Variants in IL1RL2 observed in about 807,000 individuals in gnomAD.
IL1RL2 encodes interleukin-1 receptor-like 2.
IL1RL2 carries 68 observed loss-of-function variants against 66.8 expected under a neutral mutation model. The observed-to-expected ratio is 1.02, with a 90% CI of 0.84 to 1.25. The LOEUF is 1.25. IL1RL2 is among the 50% of genes most tolerant of loss of function. IL1RL2 has a pLI of 0.00. For missense variants in IL1RL2, 729 were observed against 709.3 expected (o/e 1.03, Z -0.32); for synonymous variants, 305 against 264.6 (o/e 1.15, Z -1.48).
intron 6 of IL1RL2, among the ~76,000 whole-genome samples, chr2:102,216,584 T>C (rs1314741137): frequency 6.6e-6 from 1 of 152,186 alleles, no homozygotes; most frequent in African/African-American, 2.4e-5. Context: ...AAGATTATTA[T>C]TGATTGGTAA....
At position 102,201,648 on chromosome 2, in the gene IL1RL2, G is replaced by T; in HGVS notation, c.582G>T (p.Ala194=). 1 of 1,614,076 alleles carries T rather than the reference G, an allele frequency of 6.2e-7. No homozygotes were observed. Reference sequence around the variant, plus strand: ...CGGCAGAGGACAGAGGGAACTACGCGTGTCAAGCCATACTGACACACTCAG... The same window carrying T: ...CGGCAGAGGACAGAGGGAACTACGCTTGTCAAGCCATACTGACACACTCAG... The part of the protein sequence containing the change: ...NVSAEDRGNY[A]CQAILTHSGK... Residue 194 remains alanine, a synonymous_variant, in exon 5 of 12, where the codon GCG becomes GCT. Transcript: ENST00000264257.
intron 8 of IL1RL2, among the ~76,000 whole-genome samples, chr2:102,221,844 T>G (rs1006168624): frequency 3.3e-5 from 5 of 152,226 alleles, no homozygotes; most frequent in African/African-American, 1.2e-4. Context: ...TTTATACTTT[T>G]TTATTGTGGA....
intron 6 of IL1RL2, among the ~76,000 whole-genome samples, chr2:102,217,889 A>T (rs1263701750): frequency 6.6e-6 from 1 of 152,336 alleles, no homozygotes. Context: ...TTTGGATAAG[A>T]TCTCAAAAGC....
chr2:102,193,109 G>C (rs913825937), intron 4 of IL1RL2, among the ~76,000 whole-genome samples: 2 of 152,092 alleles, frequency 1.3e-5, no homozygotes, highest in African/African-American at 4.8e-5. Flanking sequence ...TCAGAGACTT[G>C]TCAGTTCTAG....
intron 8 of IL1RL2, among the ~76,000 whole-genome samples, chr2:102,224,585 G>A (rs1036940859): frequency 9.9e-5 from 15 of 152,130 alleles, no homozygotes; most frequent in African/African-American, 3.6e-4. Flanking sequence ...GGTGAAGCGG[G>A]GATAAAGAGA....
chr2:102,188,078 A>AACC (rs3835036), intron 2 of IL1RL2, among the ~76,000 whole-genome samples, 153 bp downstream of exon 2: 51,847 of 151,908 alleles, frequency 0.34, 10,734 homozygotes, highest in East Asian at 0.47. Flanking sequence ...GGAAACAGAG[A>AACC]ACCAGCTCCA....
chr2:102,205,978 C>T (rs967999475), intron 5 of IL1RL2, among the ~76,000 whole-genome samples: 2 of 151,938 alleles, frequency 1.3e-5, no homozygotes, highest in African/African-American at 4.8e-5. Flanking sequence ...GCCTGTCTTC[C>T]AGCCTGCTAA....
At position 102,189,035 on chromosome 2, in the gene IL1RL2, C is replaced by A; in HGVS notation, c.59-41C>A. 4.1e-6 allele frequency: 6 copies of A among 1,478,714 alleles called. No homozygotes were observed. The South Asian group carries it at 7.2e-5, about 18-fold the overall frequency. The allele number at this position is 1,478,714 out of a possible 1,614,324, so 91.6% of individuals were successfully genotyped here. A position where few individuals can be genotyped will look rare whatever the true frequency, so the allele number is the denominator to read the frequency against. ...TAACAGTAAATAAAACTGAAGTTTT[C>A]TTTCATGGATAATTGTTTTGTTTTG... is the stretch of plus-strand genomic sequence containing the variant. On this transcript the variant is annotated intron_variant, in intron 2 of 11. Coordinates refer to ENST00000264257, the MANE Select transcript of IL1RL2 (RefSeq NM_003854.4).
chr2:102,211,474 A>G (rs186790175), intron 5 of IL1RL2, among the ~76,000 whole-genome samples: 1 of 152,350 alleles, frequency 6.6e-6, no homozygotes, highest in African/African-American at 2.4e-5. Context: ...AACTGAAGAT[A>G]TGATGAACCC....
chr2:102,232,954 C>A lies in IL1RL2; in HGVS notation c.1136-9C>A, dbSNP rs779171081. The stretch of plus-strand genomic sequence containing the variant: ...AACAATTCCACAAGCTTGTCCAATT[C>A]CTTTTCAGATGGGAAGCTGTATGAC... On this transcript the variant is annotated splice_polypyrimidine_tract_variant and intron_variant, in intron 9 of 11. Transcript: ENST00000264257. The A allele has an allele frequency of 5.6e-6, 9 of 1,603,114 alleles. No homozygotes were observed. The highest frequency in any genetic ancestry group is 7.7e-6 in the Non-Finnish European group (9 of 1,172,028).
At chr2:102,226,658 GAA>G (rs1690643222) in intron 9 of IL1RL2, among the ~76,000 whole-genome samples, 1 of 151,942 alleles carries the variant, frequency 6.6e-6, no homozygotes, top group African/African-American at 2.4e-5. Flanking sequence ...AGGGAGGAAA[GAA>G]AGAGAGAGAG....
intron 11 of IL1RL2, among the ~76,000 whole-genome samples, chr2:102,237,249 G>T (rs567558573): frequency 6.6e-6 from 1 of 152,298 alleles, no homozygotes; most frequent in South Asian, 2.1e-4. Flanking sequence ...AATGGGGTGG[G>T]TGTATTCCCC....
Position 102,239,220 on chromosome 2 carries a change from G to T in IL1RL2, c.1707G>T (p.Lys569Asn), listed in dbSNP as rs33963495. ...AGPELGSRRKKCTLTTG is the reference protein window; with the variant it reads ...AGPELGSRRKNCTLTTG ...CAGAACTAGGCTCAAGAAGAAAGAA[G>T]TGTACTCTCACGACTGGCTAAGACT... is the stretch of plus-strand genomic sequence containing the variant. Residue 569 changes from lysine (K) to asparagine (N), a missense_variant, in exon 12 of 12, where the codon AAG (lysine) becomes AAT (asparagine). Transcript: ENST00000264257. 5 of 1,613,960 alleles carry T rather than the reference G, an allele frequency of 3.1e-6. No individual in the cohort carries two copies. Among genetic ancestry groups the T allele is most frequent in the Non-Finnish European group, 4.2e-6 (5 of 1,179,962 alleles).
Position 102,218,370 on chromosome 2 carries a change from T to C in IL1RL2, c.725-583T>C, listed in dbSNP as rs34542788. On this transcript the variant is annotated intron_variant, in intron 6 of 11. Transcript: ENST00000264257. ...CTCATGGGACAAAGTCCACTGAGAC[T>C]ATAAATTGATGAAATTTGTGAATGT... Among the ~76,000 whole-genome samples, 905 of 152,308 alleles carry C rather than the reference T, an allele frequency of 5.9e-3. 1 individual carries two copies. The highest frequency in any genetic ancestry group is 9.7e-3 in the Non-Finnish European group (659 of 68,008).
At chr2:102,243,035 T>C (rs1484755052), downstream of IL1RL2, among the ~76,000 whole-genome samples, 2 of 152,264 alleles carry the variant, frequency 1.3e-5, no homozygotes, top group African/African-American at 2.4e-5. Context: ...CAAAACCTAT[T>C]CTAAGGTGTC....
At chr2:102,207,588 G>C (rs62156406) in intron 5 of IL1RL2, among the ~76,000 whole-genome samples, 2 of 152,040 alleles carry the variant, frequency 1.3e-5, no homozygotes, top group East Asian at 3.9e-4. Context: ...CTCTCTTGCT[G>C]TGGCTGAGCT....
intron 8 of IL1RL2, among the ~76,000 whole-genome samples, chr2:102,223,895 G>C (rs1380544847): frequency 1.3e-5 from 2 of 152,200 alleles, no homozygotes; most frequent in African/African-American, 4.8e-5. Flanking sequence ...TGATTGAAGT[G>C]AGAGGTTCTC....
At chr2:102,229,640 G>A (rs902934687) in intron 9 of IL1RL2, among the ~76,000 whole-genome samples, 2 of 152,186 alleles carry the variant, frequency 1.3e-5, no homozygotes, top group African/African-American at 4.8e-5. Context: ...TTGATCTCTT[G>A]CTATTAATGT....
At chr2:102,210,771 G>A (rs530471434) in intron 5 of IL1RL2, among the ~76,000 whole-genome samples, 24 of 152,198 alleles carry the variant, frequency 1.6e-4, no homozygotes, top group African/African-American at 2.9e-4. Context: ...TCATTGCTAC[G>A]TTGAGTATGA....
Sources: gnomAD v4.1 joint callset for allele counts (sites outside exome capture counted in the v4.1 genomes callset) on GRCh38, gnomAD v4.1.1 for gene constraint, MANE v1.5 for transcripts, NCBI Gene and HGNC (gene_info 2026-07-23, HGNC 2026-07-21) for gene names.